The following PCDH15 variants were observed in gnomAD, a reference collection of about 807,000 sequenced individuals.
The protein encoded by PCDH15 is protocadherin-15.
A neutral mutation model predicts 178.5 loss-of-function variants in PCDH15; 129 were observed. The observed-to-expected ratio is 0.72, with a 90% confidence interval of 0.63 to 0.84. The LOEUF (loss-of-function observed/expected upper bound fraction) is 0.84, where lower values mean the gene tolerates loss of function less well. Ranked by LOEUF, PCDH15 falls within the 40% of genes least tolerant of loss-of-function variation. The pLI, the probability that PCDH15 is intolerant of heterozygous loss-of-function variation, is 0.00. For missense variants in PCDH15, 2,230 were observed against 2,099.9 expected, an observed-to-expected ratio of 1.06 and a Z score of -1.21; for synonymous variants, 800 against 732.0, an observed-to-expected ratio of 1.09 and a Z score of -1.50.
intron 3 of PCDH15, among the ~76,000 whole-genome samples, chr10:54,440,236 G>C (rs534401954): frequency 2.8e-4 from 43 of 152,094 alleles, no homozygotes; most frequent in Admixed American, 2.6e-3. Flanking sequence ...TAAGTAAAAG[G>C]AACATGAAAG....
At chr10:53,996,497 C>A (rs921533516) in intron 20 of PCDH15, among the ~76,000 whole-genome samples, 2 of 152,086 alleles carry the variant, frequency 1.3e-5, no homozygotes, top group African/African-American at 4.8e-5. Context: ...CACTTCAGTG[C>A]GAGGCACTGA....
chr10:53,826,629 TCAC>T (rs2076697521), intron 32 of PCDH15, among the ~76,000 whole-genome samples: 1 of 152,064 alleles, frequency 6.6e-6, no homozygotes, highest in East Asian at 1.9e-4. Context: ...AAACTGAACA[TCAC>T]CATAAGGAAT....
chr10:55,219,542 A>C (rs1840808926), intron 1 of PCDH15, among the ~76,000 whole-genome samples: 1 of 151,392 alleles, frequency 6.6e-6, no homozygotes, highest in South Asian at 2.1e-4. Context: ...CTTTTAATTA[A>C]TATACTGTTT....
intron 16 of PCDH15, among the ~76,000 whole-genome samples, chr10:54,079,939 C>A (rs2094409664): frequency 6.6e-6 from 1 of 151,658 alleles, no homozygotes; most frequent in South Asian, 2.1e-4. Context: ...TAACAGAGAC[C>A]CATTGTACAA....
At chr10:54,307,124 A>G (rs1387666736) in intron 8 of PCDH15, among the ~76,000 whole-genome samples, 12 of 67,578 alleles carry the variant, frequency 1.8e-4, no homozygotes, top group East Asian at 1.1e-3. Context: ...ATATATATAT[A>G]TATATATATA....
chr10:54,086,531 C>G (rs1483964868), intron 16 of PCDH15, among the ~76,000 whole-genome samples: 1 of 152,106 alleles, frequency 6.6e-6, no homozygotes, highest in Non-Finnish European at 1.5e-5. Context: ...ACATGAATCT[C>G]AGAAGTTTCA....
intron 2 of PCDH15, among the ~76,000 whole-genome samples, chr10:55,379,016 C>T (rs1226628730): frequency 6.6e-6 from 1 of 151,790 alleles, no homozygotes; most frequent in African/African-American, 2.4e-5. Flanking sequence ...CTGTCCCAAC[C>T]CAGTGGTTTT....
intron 2 of PCDH15, among the ~76,000 whole-genome samples, chr10:55,521,876 G>A (rs1014981429): frequency 2.0e-5 from 3 of 151,928 alleles, no homozygotes; most frequent in African/African-American, 7.2e-5. Context: ...TGGAAGGCTG[G>A]GAGCTGGAGT....
Position 55,234,418 on chromosome 10 carries a change from T to C in PCDH15, c.-155-67767A>G, listed in dbSNP as rs1488406935. On this transcript the variant is annotated intron_variant, in intron 1 of 5. Coordinates refer to the PCDH15 transcript ENST00000458638. The stretch of plus-strand genomic sequence containing the variant: ...ATAAGTACAGATTTGTCATTTTTTT[T>C]TTCTTTGAGACAGGGTCTCACTCTC... Among the ~76,000 whole-genome samples, 4 of 152,046 alleles carry C rather than the reference T, an allele frequency of 2.6e-5. No homozygotes were observed. The East Asian group carries it at 7.7e-4, about 29-fold the overall frequency.
intron 2 of PCDH15, among the ~76,000 whole-genome samples, chr10:55,156,112 C>T (rs1185989486): frequency 1.3e-5 from 2 of 152,144 alleles, no homozygotes; most frequent in Non-Finnish European, 2.9e-5. Flanking sequence ...CACTCCAATC[C>T]ATTGCACAAA....
At chr10:54,268,302 A>T (rs923684121) in intron 8 of PCDH15, among the ~76,000 whole-genome samples, 1 of 152,002 alleles carries the variant, frequency 6.6e-6, no homozygotes, top group African/African-American at 2.4e-5. Context: ...ACTTAAATGT[A>T]AAACTTTAAA....
chr10:54,999,541 G>A (rs1456769420), intron 2 of PCDH15, among the ~76,000 whole-genome samples: 5 of 152,264 alleles, frequency 3.3e-5, no homozygotes, highest in Admixed American at 6.5e-5. Context: ...TGACGGCTGC[G>A]ATGGTGTGTG....
chr10:53,973,827 G>T (rs1350361570), intron 21 of PCDH15, among the ~76,000 whole-genome samples: 1 of 152,092 alleles, frequency 6.6e-6, no homozygotes, highest in Non-Finnish European at 1.5e-5. Flanking sequence ...ACTTAGATAT[G>T]AGGAAGAGCC....
At chr10:55,130,066 C>T (rs1055961411) in intron 2 of PCDH15, among the ~76,000 whole-genome samples, 2 of 152,022 alleles carry the variant, frequency 1.3e-5, no homozygotes, top group African/African-American at 4.8e-5. Context: ...GATTCTCATA[C>T]AGATGAAGGT....
At position 53,834,795 on chromosome 10, in the gene PCDH15, A is replaced by C. The variant is rs576367489; in HGVS notation, c.3984-3262T>G. Among the ~76,000 whole-genome samples the C allele has an allele frequency of 1.1e-3, 174 of 152,306 alleles. 1 individual carries two copies. The highest frequency in any genetic ancestry group is 2.2e-3 in the Admixed American group (33 of 15,296). ...GCATATAATTAATAAATACATAATC[A>C]ACAATCTACCCTGCATCTCACCTTC... On this transcript the variant is annotated intron_variant, in intron 29 of 37. Transcript: ENST00000644397.
chr10:54,485,502 A>T (rs1427429679), intron 3 of PCDH15, among the ~76,000 whole-genome samples: 3 of 151,930 alleles, frequency 2.0e-5, no homozygotes, highest in African/African-American at 4.8e-5. Context: ...CTACATTTCA[A>T]ATTTGTCTCC....
At chr10:54,426,925 A>G (rs7100319) in intron 3 of PCDH15, among the ~76,000 whole-genome samples, 58,060 of 151,840 alleles carry the variant, frequency 0.38, 12,553 homozygotes, top group Non-Finnish European at 0.5. Context: ...AAAGAATAGC[A>G]AAAGCAATAT....
chr10:54,104,845 C>CAAAAAAAAA (rs56195842), intron 15 of PCDH15, among the ~76,000 whole-genome samples: 23 of 48,618 alleles, frequency 4.7e-4, no homozygotes, highest in East Asian at 2.5e-3. Context: ...TCAACAACAA[C>CAAAAAAAAA]AAAAAAAAAA....
At chr10:54,919,853 A>G (rs16906702) in intron 2 of PCDH15, among the ~76,000 whole-genome samples, 10,045 of 152,064 alleles carry the variant, frequency 0.066, 1,079 homozygotes, top group African/African-American at 0.23. Context: ...TTCCCATTTG[A>G]GGATACCACT....
Sources: allele counts gnomAD v4.1 joint callset (sites outside exome capture counted in the v4.1 genomes callset), GRCh38; gene constraint gnomAD v4.1.1; transcripts MANE v1.5; gene names NCBI Gene and HGNC (gene_info 2026-07-23, HGNC 2026-07-21).